The following SLC2A3 variants were observed in gnomAD, a reference collection of about 807,000 sequenced individuals.
SLC2A3 encodes solute carrier family 2, facilitated glucose transporter member 3.
In SLC2A3, 21 loss-of-function variants were observed where a neutral mutation model predicts 46.4. That is an observed-to-expected ratio of 0.45 (90% CI 0.32 to 0.65). The LOEUF (loss-of-function observed/expected upper bound fraction) is 0.65. SLC2A3 is among the 30% of genes least tolerant of loss of function. The pLI, the probability that SLC2A3 is intolerant of heterozygous loss-of-function variation, is 0.04. For synonymous variants in SLC2A3, 213 were observed against 239.4 expected, an observed-to-expected ratio of 0.89 and a Z score of 1.02; for missense variants, 499 against 623.3, an observed-to-expected ratio of 0.80 and a Z score of 2.12.
chr12:7,922,969 G>A lies in SLC2A3; in HGVS notation c.1124C>T (p.Ala375Val), dbSNP rs1181959533. The change falls in exon 9 of 10, where the codon GCC becomes GTC. Residue 375 changes from alanine to valine, a missense_variant. Physicochemically the swap from Ala to Val is moderately conservative, Grantham distance 64. Coordinates refer to ENST00000075120, the MANE Select transcript of SLC2A3 (RefSeq NM_006931.3). Reference protein sequence around the residue: ...VCIGAILVFVAFFEIGPGPIP... With the variant: ...VCIGAILVFVVFFEIGPGPIP... ...GGGGCCTGGTCCAATTTCAAAGAAG[G>A]CTACAAAGACCAAGATAGCCCCAAT... The A allele has an allele frequency of 1.9e-6, 3 of 1,613,936 alleles. No homozygotes were observed. Among genetic ancestry groups the A allele is most frequent in the Non-Finnish European group, 1.7e-6 (2 of 1,180,022 alleles).
chr12:7,930,792 G>GTTTT (rs66814289), intron 4 of SLC2A3, 150 bp from the exon 5 acceptor site: 165 of 246,982 alleles, frequency 6.7e-4, no homozygotes, highest in South Asian at 1.0e-3. Context: ...ACTCAGCATG[G>GTTTT]TTTTTTTTTT....
chr12:7,933,182 G>T, intron 2 of SLC2A3, 35 bp from the exon 3 acceptor site: 1 of 1,606,946 alleles, frequency 6.2e-7, no homozygotes, highest in Non-Finnish European at 8.5e-7. Context: ...AGAACAGACT[G>T]TTACAGTTGG....
At position 7,922,985 on chromosome 12, in the gene SLC2A3, T is replaced by C. The variant is rs376571469; in HGVS notation, c.1108A>G (p.Ile370Val). ...TCAAAGAAGGCTACAAAGACCAAGA[T>C]AGCCCCAATACAGACAAAGCTCATC... ...NGMSFVCIGAILVFVAFFEIG... is the reference protein window; with the variant it reads ...NGMSFVCIGAVLVFVAFFEIG... Residue 370 changes from isoleucine to valine, a missense_variant, in exon 9 of 10, where the codon ATC (isoleucine) becomes GTC (valine). Ile to Val is a conservative substitution (Grantham distance 29). This residue lies in a region of SLC2A3 where 179 missense variants were observed against 205.1 expected (regional missense o/e 0.87). Transcript: ENST00000075120. The C allele has an allele frequency of 6.2e-7, 1 of 1,613,986 alleles. No homozygotes were observed. The highest frequency in any genetic ancestry group is 2.2e-5 in the East Asian group (1 of 44,878).
At chr12:7,930,445 T>TATAATTC in intron 5 of SLC2A3, 35 bp downstream of exon 5, 1 of 1,594,932 alleles carries the variant, frequency 6.3e-7, no homozygotes. Flanking sequence ...ACCACAACCA[T>TATAATTC]ATAATTCATG....
At chr12:7,934,541 C>T (rs1198947273) in intron 1 of SLC2A3, among the ~76,000 whole-genome samples, 5 of 152,088 alleles carry the variant, frequency 3.3e-5, no homozygotes, top group African/African-American at 1.2e-4. Context: ...CATATAAGGG[C>T]GAACCCAACA....
intron 4 of SLC2A3, among the ~76,000 whole-genome samples, chr12:7,931,026 G>A (rs1946148778): frequency 6.6e-6 from 1 of 152,008 alleles, no homozygotes; most frequent in African/African-American, 2.4e-5. Context: ...TTCATCTGCT[G>A]ACCTCGTGAT....
chr12:7,924,276 T>G, intron 8 of SLC2A3, 134 bp downstream of exon 8: 1 of 1,499,690 alleles, frequency 6.7e-7, no homozygotes, highest in Non-Finnish European at 9.0e-7. Flanking sequence ...TTTCTTAAAC[T>G]CTGGGCATCC....
Position 7,925,813 on chromosome 12 carries a change from C to T in SLC2A3, c.966+31G>A, listed in dbSNP as rs766789493. The stretch of plus-strand genomic sequence containing the variant: ...ACATCTGTAGCAAGGATTCTTTTCT[C>T]CCCTCAAAATTACCAAACCATCCAA... On this transcript the variant is annotated intron_variant, in intron 7 of 9. Transcript: ENST00000075120. 93 of 1,513,780 alleles carry T rather than the reference C, an allele frequency of 6.1e-5. No individual in the cohort carries two copies. In the South Asian group the frequency reaches 9.4e-4, roughly 15 times the overall value. 93.8% of individuals were successfully genotyped at this position (1,513,780 alleles called of 1,614,324 possible).
rs1946011397 is a variant in SLC2A3, at chr12:7,919,237, CA to C, written c.*2175del. ...GTAAATAAGCCCATAATGTCGTGTACATTCAGAATTTTTATTTTAAAACAAA... is the reference window on the plus strand; with the variant it reads ...GTAAATAAGCCCATAATGTCGTGTACTTCAGAATTTTTATTTTAAAACAAA... On this transcript the variant is annotated 3_prime_UTR_variant, in exon 10 of 10. Coordinates refer to ENST00000075120, the MANE Select transcript of SLC2A3 (RefSeq NM_006931.3). The C allele has an allele frequency of 6.6e-6, 1 of 152,406 alleles. No individual in the cohort carries two copies. Among genetic ancestry groups the C allele is most frequent in the African/African-American group, 2.4e-5 (1 of 41,392 alleles). The allele number at this position is 152,406 out of a possible 1,614,324, so 9.4% of individuals were successfully genotyped here.
chr12:7,932,850 G>A (rs922896589), intron 3 of SLC2A3, 137 bp downstream of exon 3: 1 of 1,312,990 alleles, frequency 7.6e-7, no homozygotes, highest in Admixed American at 2.5e-5. Context: ...TTCGGGGCCA[G>A]TTGGACTAGG....
Position 7,924,367 on chromosome 12 carries a change from T to C in SLC2A3, c.1068+43A>G, listed in dbSNP as rs1245738711. On this transcript the variant is annotated intron_variant, in intron 8 of 9. Transcript: ENST00000075120. The stretch of plus-strand genomic sequence containing the variant: ...TGTCACAGAAGTCAACTGTAACCTC[T>C]CTTCTTTCCCCCTCCCTTTTTTTTC... 3 of 1,605,378 alleles carry C rather than the reference T, an allele frequency of 1.9e-6. No individual in the cohort carries two copies. The African/African-American group carries it at 4.1e-5, about 22-fold the overall frequency.
rs960072125 is a variant in SLC2A3, at chr12:7,935,978, T to G, written c.15+42A>C. The G allele has an allele frequency of 2.0e-6, 3 of 1,528,396 alleles. No individual in the cohort carries two copies. The African/African-American group carries it at 4.1e-5, about 21-fold the overall frequency. The allele number at this position is 1,528,396 out of a possible 1,614,324, so 94.7% of individuals were successfully genotyped here. On this transcript the variant is annotated intron_variant, in intron 1 of 9. Coordinates refer to ENST00000075120, the MANE Select transcript of SLC2A3 (RefSeq NM_006931.3). ...ATTAATATTTGCCTTTCTGAGTGTA[T>G]CCCAAACAAGCAAAAATAACCAGTA...
At chr12:7,930,691 A>C (rs775104493) in intron 4 of SLC2A3, 49 bp from the exon 5 acceptor site, 1 of 1,535,714 alleles carries the variant, frequency 6.5e-7, no homozygotes, top group Admixed American at 2.2e-5. Flanking sequence ...TTCACAGGCC[A>C]CAAGTTCATT....
intron 5 of SLC2A3, 104 bp downstream of exon 5, chr12:7,930,376 T>C: frequency 8.2e-7 from 1 of 1,226,412 alleles, no homozygotes; most frequent in Non-Finnish European, 1.2e-6. Context: ...ACTTGGATTC[T>C]GAGAGGCAGG....
chr12:7,921,455 C>T lies in SLC2A3; in HGVS notation c.1449G>A (p.Met483Ile), dbSNP rs1217142438. The T allele has an allele frequency of 6.2e-7, 1 of 1,613,992 alleles. No individual in the cohort carries two copies. The highest frequency in any genetic ancestry group is 1.1e-5 in the South Asian group (1 of 91,082). Reference sequence around the variant, plus strand: ...TCTCCTTAGCAGGCTCGATGCTGTTCATCTCCATGACGCCGTCCTTTCCAG... The same window carrying T: ...TCTCCTTAGCAGGCTCGATGCTGTTTATCTCCATGACGCCGTCCTTTCCAG... The part of the protein sequence containing the change: ...DRSGKDGVME[M>I]NSIEPAKETT... The change falls in exon 10 of 10, where the codon ATG becomes ATA. Residue 483 changes from methionine (M) to isoleucine (I), a missense_variant. Met to Ile is a conservative substitution (Grantham distance 10). Around this residue, in one of 5 missense-constraint regions of SLC2A3, gnomAD observed 179 missense variants for 205.1 expected, o/e 0.87. Transcript: ENST00000075120.
At chr12:7,932,254 C>T (rs1461145796) in intron 3 of SLC2A3, among the ~76,000 whole-genome samples, 3 of 151,798 alleles carry the variant, frequency 2.0e-5, no homozygotes, top group Admixed American at 6.6e-5. Flanking sequence ...TTACTGCACC[C>T]TCTGCACCCC....
At chr12:7,923,074 A>T in intron 8 of SLC2A3, 50 bp from the exon 9 acceptor site, 3 of 1,530,128 alleles carry the variant, frequency 2.0e-6, no homozygotes, top group Middle Eastern at 1.7e-4. Context: ...AGTGTAACCT[A>T]GTATCTAGGT....
At chr12:7,923,073 T>C in intron 8 of SLC2A3, 49 bp from the exon 9 acceptor site, 1 of 1,535,186 alleles carries the variant, frequency 6.5e-7, no homozygotes, top group Non-Finnish European at 8.8e-7. Context: ...CAGTGTAACC[T>C]AGTATCTAGG....
intron 1 of SLC2A3, among the ~76,000 whole-genome samples, chr12:7,935,689 G>T (rs1158643719): frequency 6.6e-6 from 1 of 152,068 alleles, no homozygotes; most frequent in African/African-American, 2.4e-5. Context: ...CACTGGCTCT[G>T]AGACCCACAC....
Sources: gnomAD v4.1 joint callset for allele counts (sites outside exome capture counted in the v4.1 genomes callset) on GRCh38, gnomAD v4.1.1 for gene constraint, gnomAD v4.1.1 regional missense constraint, MANE v1.5 for transcripts, NCBI Gene and HGNC (gene_info 2026-07-23, HGNC 2026-07-21) for gene names.